OAS2: variants seen among roughly 807,000 people sequenced by gnomAD.
OAS2 encodes the protein 2'-5'-oligoadenylate synthase 2.
In OAS2, 67 loss-of-function variants were observed where a neutral mutation model predicts 71.3. That is an observed-to-expected ratio of 0.94 (90% confidence interval 0.77 to 1.15). The LOEUF (loss-of-function observed/expected upper bound fraction) is 1.15. Ranked by LOEUF, OAS2 falls within the 50% of genes most tolerant of loss-of-function variation. The pLI, the probability that OAS2 is intolerant of heterozygous loss-of-function variation, is 0.00. For synonymous variants in OAS2, 327 were observed against 321.8 expected (o/e 1.02, Z -0.17); for missense variants, 789 against 822.5 (o/e 0.96, Z 0.50).
chr12:113,011,153 C>A lies in OAS2; in HGVS notation c.*1898C>A, dbSNP rs1036271720. ...GGTCTAGGTGCTTTAACCTCACATA[C>A]CCTCACTTAAACTTTTATCACTGTT... On this transcript the variant is annotated 3_prime_UTR_variant, in exon 10 of 10. Coordinates refer to ENST00000392583, the MANE Select transcript of OAS2 (RefSeq NM_002535.3). The A allele has an allele frequency of 2.0e-5, 3 of 152,234 alleles. No homozygotes were observed. Among genetic ancestry groups the A allele is most frequent in the African/African-American group, 4.8e-5 (2 of 41,450 alleles). The allele number at this position is 152,234 out of a possible 1,614,324, so 9.4% of individuals were successfully genotyped here. A position where few individuals can be genotyped will look rare whatever the true frequency, so the allele number is the denominator to read the frequency against.
chr12:112,980,013 C>T (rs920951969), intron 1 of OAS2, among the ~76,000 whole-genome samples: 11 of 152,212 alleles, frequency 7.2e-5, no homozygotes, highest in Admixed American at 6.5e-4. Flanking sequence ...GTTTCTCTGA[C>T]CTATGATGTT....
intron 9 of OAS2, 136 bp from the exon 10 acceptor site, chr12:113,008,951 A>G: frequency 7.1e-7 from 1 of 1,417,960 alleles, no homozygotes; most frequent in South Asian, 1.5e-5. Context: ...TTTGAACCCT[A>G]CTAGTAAATT....
In OAS2 at chr12:113,006,280, C is replaced by T. The variant is rs1158142396; in HGVS notation, c.1469-133C>T. 5 of 685,332 alleles carry T rather than the reference C, an allele frequency of 7.3e-6. No homozygotes were observed. In the East Asian group the frequency reaches 1.1e-4, roughly 16 times the overall value. The allele number at this position is 685,332 out of a possible 1,614,324, so 42.5% of individuals were successfully genotyped here. On this transcript the variant is annotated intron_variant, in intron 7 of 9. Transcript: ENST00000392583. The stretch of plus-strand genomic sequence containing the variant: ...CTGGAGATGCTCCCTGTGTCTTAGA[C>T]ATCAGTCTTTTAAATATGCTAATAC...
chr12:112,997,578 C>A lies in OAS2; in HGVS notation c.686C>A (p.Thr229Lys). Residue 229 changes from threonine to lysine, a missense_variant, in exon 4 of 10, where the codon ACG becomes AAG. Thr to Lys is a moderately conservative substitution (Grantham distance 78, BLOSUM62 -1). Coordinates refer to ENST00000392583, the MANE Select transcript of OAS2 (RefSeq NM_002535.3). ...SLSPYALELL[T>K]VYAWEQGCRK... ...TCTCCGTATGCCCTGGAGCTGCTTA[C>A]GGTGTATGCCTGGGAACAGGGGTGC... The A allele has an allele frequency of 1.2e-6, 2 of 1,614,136 alleles. No individual in the cohort carries two copies. Among genetic ancestry groups the A allele is most frequent in the Non-Finnish European group, 1.7e-6 (2 of 1,180,006 alleles).
At chr12:113,000,893 G>C (rs183282546) in intron 5 of OAS2, among the ~76,000 whole-genome samples, 1 of 152,346 alleles carries the variant, frequency 6.6e-6, no homozygotes, top group African/African-American at 2.4e-5. Flanking sequence ...AACCAAGGTT[G>C]GCCTTCAACT....
chr12:112,994,948 T>A (rs1296604303), intron 2 of OAS2, among the ~76,000 whole-genome samples: 4 of 152,236 alleles, frequency 2.6e-5, no homozygotes. Context: ...GTATGCTAAC[T>A]ATGCCAACAC....
chr12:112,983,747 G>A (rs764956971), intron 1 of OAS2, among the ~76,000 whole-genome samples: 51 of 151,994 alleles, frequency 3.4e-4, no homozygotes, highest in East Asian at 1.5e-3. Context: ...TAATTTTCAC[G>A]TATTTGTACA....
intron 4 of OAS2, 49 bp from the exon 5 acceptor site, chr12:112,998,217 C>T (rs746940843): frequency 1.9e-6 from 3 of 1,583,070 alleles, no homozygotes; most frequent in Admixed American, 2.0e-5. Context: ...CAGATTTTGC[C>T]TCCCACAAGC....
At chr12:113,005,287 A>G in intron 7 of OAS2, 65 bp downstream of exon 7, 2 of 1,497,276 alleles carry the variant, frequency 1.3e-6, no homozygotes, top group East Asian at 2.3e-5. Flanking sequence ...GAGCCACGTG[A>G]CTTGATTACG....
Position 113,010,072 on chromosome 12 carries a change from C to T in OAS2, c.*817C>T. 1.9e-6 allele frequency: 2 copies of T among 1,049,358 alleles called. No homozygotes were observed. The highest frequency in any genetic ancestry group is 2.3e-6 in the Non-Finnish European group (2 of 868,610). 65.0% of individuals were successfully genotyped at this position (1,049,358 alleles called of 1,614,324 possible). Reference sequence around the variant, plus strand: ...TGGCCTGTACCCAGTAGATGCCACCCAGTTGTGACAATTAAAAGTGTCTTG... The same window carrying T: ...TGGCCTGTACCCAGTAGATGCCACCTAGTTGTGACAATTAAAAGTGTCTTG... On this transcript the variant is annotated 3_prime_UTR_variant, in exon 10 of 10. Coordinates refer to ENST00000392583, the MANE Select transcript of OAS2 (RefSeq NM_002535.3).
intron 1 of OAS2, among the ~76,000 whole-genome samples, chr12:112,981,270 T>G (rs2044079591): frequency 6.6e-6 from 1 of 152,196 alleles, no homozygotes; most frequent in Non-Finnish European, 1.5e-5. Context: ...GCTTTTGAAG[T>G]CTTAGCCACA....
At chr12:112,986,921 C>T (rs1593196143) in intron 1 of OAS2, 117 bp from the exon 2 acceptor site, 6 of 1,330,620 alleles carry the variant, frequency 4.5e-6, no homozygotes, top group Non-Finnish European at 6.2e-6. Flanking sequence ...GGATGCCTGC[C>T]ACTCAATGTT....
chr12:112,997,661 T>G lies in OAS2; in HGVS notation c.769T>G (p.Cys257Gly). 6.2e-7 allele frequency: 1 copy of G among 1,614,110 alleles called. No individual in the cohort carries two copies. Among genetic ancestry groups the G allele is most frequent in the East Asian group, 2.2e-5 (1 of 44,872 alleles). Residue 257 changes from cysteine (C) to glycine (G), a missense_variant, in exon 4 of 10, where the codon TGC becomes GGC. By Grantham distance (159) the Cys-to-Gly change is radical (BLOSUM62 -3). Coordinates refer to ENST00000392583, the MANE Select transcript of OAS2 (RefSeq NM_002535.3). ...CAGAACCGTACTGGAGCTGATCAAA[T>G]GCCAGGAGAAGCTGTGTATCTATTG... ...GVRTVLELIK[C>G]QEKLCIYWMV...
At chr12:113,008,863 A>G (rs2044356642) in intron 9 of OAS2, among the ~76,000 whole-genome samples, 1 of 152,142 alleles carries the variant, frequency 6.6e-6, no homozygotes, top group South Asian at 2.1e-4. Flanking sequence ...CTGGCCCTCA[A>G]GTGATCCTCC....
At chr12:113,008,169 A>G (rs1293380282) in intron 9 of OAS2, among the ~76,000 whole-genome samples, 1 of 152,170 alleles carries the variant, frequency 6.6e-6, no homozygotes, top group Non-Finnish European at 1.5e-5. Context: ...CACGTCCCTG[A>G]GCTGCTTTCA....
Position 113,009,103 on chromosome 12 carries a change from C to T in OAS2, c.1912C>T (p.Pro638Ser). The stretch of plus-strand genomic sequence containing the variant: ...CTCATTCAGGCCTGTGATCTTGGAC[C>T]CAGCCGAACCCACAGGTGACGTGGG... Reference protein sequence around the residue: ...LQKTRPVILDPAEPTGDVGGG... With the variant: ...LQKTRPVILDSAEPTGDVGGG... Residue 638 changes from proline to serine, a missense_variant, in exon 10 of 10, where the codon CCA becomes TCA. By Grantham distance (74) the Pro-to-Ser change is moderately conservative. Coordinates refer to ENST00000392583, the MANE Select transcript of OAS2 (RefSeq NM_002535.3). 1 of 1,613,388 alleles carries T rather than the reference C, an allele frequency of 6.2e-7. No individual in the cohort carries two copies. Among genetic ancestry groups the T allele is most frequent in the Non-Finnish European group, 8.5e-7 (1 of 1,179,878 alleles).
rs549761830 is a variant in OAS2 at position 112,998,307 on chromosome 12, G to A, written c.905G>A (p.Ser302Asn). The A allele has an allele frequency of 1.9e-6, 3 of 1,612,628 alleles. No homozygotes were observed. The highest frequency in any genetic ancestry group is 1.1e-5 in the South Asian group (1 of 90,762). Residue 302 changes from serine (S) to asparagine (N), a missense_variant, in exon 5 of 10, where the codon AGT becomes AAT. By Grantham distance (46) the Ser-to-Asn change is conservative. Coordinates refer to ENST00000392583, the MANE Select transcript of OAS2 (RefSeq NM_002535.3). ...CCAGTTGACCCAACCAATAATGTGA[G>A]TGGAGATAAAATATGCTGGCAATGG... is the stretch of plus-strand genomic sequence containing the variant. Reference protein sequence around the residue: ...LDPVDPTNNVSGDKICWQWLK... With the variant: ...LDPVDPTNNVNGDKICWQWLK...
chr12:113,005,376 G>T (rs16942417), intron 7 of OAS2, among the ~76,000 whole-genome samples, 154 bp downstream of exon 7: 5,599 of 152,130 alleles, frequency 0.037, 332 homozygotes, highest in African/African-American at 0.12. Context: ...CTTCACACTT[G>T]TAGACAATTT....
rs981598298 is a variant in OAS2 at position 113,008,085 on chromosome 12, C to T, written c.1895+142C>T. On this transcript the variant is annotated intron_variant, in intron 9 of 9. Transcript: ENST00000392583. ...GCTAGCCAACAGAACCTGTCACAGT[C>T]TCCAGGGATAAAACCTAGCAGGGGC... The T allele has an allele frequency of 8.6e-6, 6 of 694,014 alleles. No homozygotes were observed. In the African/African-American group the frequency reaches 8.9e-5, roughly 10 times the overall value. 43.0% of individuals were successfully genotyped at this position (694,014 alleles called of 1,614,324 possible). A position where few individuals can be genotyped will look rare whatever the true frequency, so the allele number is the denominator to read the frequency against.
Sources: gnomAD v4.1 joint callset for allele counts (sites outside exome capture counted in the v4.1 genomes callset) on GRCh38, gnomAD v4.1.1 for gene constraint, MANE v1.5 for transcripts, NCBI Gene and HGNC (gene_info 2026-07-23, HGNC 2026-07-21) for gene names.